HSF5: variants seen among roughly 807,000 people sequenced by gnomAD.
HSF5 encodes the protein heat shock transcription factor 5.
A neutral mutation model predicts 50.8 loss-of-function variants in HSF5; 5 were observed. The ratio of observed to expected loss-of-function variants is 0.10; its 90% confidence interval spans 0.05 to 0.21. The LOEUF (loss-of-function observed/expected upper bound fraction) is 0.21, where lower values mean the gene tolerates loss of function less well. HSF5 is among the 10% of genes least tolerant of loss of function. The pLI is 1.00. For synonymous variants in HSF5, 307 were observed against 307.4 expected (o/e 1.00, Z 0.02); for missense variants, 564 against 762.6 (o/e 0.74, Z 3.07).
intron 5 of HSF5, among the ~76,000 whole-genome samples, chr17:58,441,731 A>G (rs762484588): frequency 1.1e-3 from 168 of 152,206 alleles, no homozygotes; most frequent in Non-Finnish European, 2.2e-3. Context: ...ATAGAAAAAT[A>G]CTCCCAGAAA....
chr17:58,423,565 C>T (rs150642006), intron 5 of HSF5, among the ~76,000 whole-genome samples: 43 of 150,526 alleles, frequency 2.9e-4, no homozygotes, highest in Admixed American at 4.7e-4. Flanking sequence ...TAGCAAACTC[C>T]GCCTCCCGGG....
chr17:58,452,573 G>T (rs1974655618), intron 5 of HSF5, among the ~76,000 whole-genome samples: 1 of 152,156 alleles, frequency 6.6e-6, no homozygotes, highest in Non-Finnish European at 1.5e-5. Flanking sequence ...ACTTTGCGAT[G>T]CTGAGGCAGG....
In HSF5 at chr17:58,488,103, C is replaced by T; in HGVS notation, c.172G>A (p.Gly58Ser). The T allele has an allele frequency of 6.4e-7, 1 of 1,573,356 alleles. No homozygotes were observed. Among genetic ancestry groups the T allele is most frequent in the Non-Finnish European group, 8.6e-7 (1 of 1,167,480 alleles). ...CCGGCCCCCGCAGTCCCGCCACCGC[C>T]CCCCGGCCCGGGCGGGCTGAGCAGC... ...AELLSPPGPG[G>S]GGGTAGAGAE... The change falls in exon 1 of 6, where the codon GGC (glycine) becomes AGC (serine). Residue 58 changes from glycine to serine, a missense_variant. Around this residue, in one of 5 missense-constraint regions of HSF5, gnomAD observed 72 missense variants for 110.9 expected, o/e 0.65. Coordinates refer to ENST00000323777, the MANE Select transcript of HSF5 (RefSeq NM_001080439.3). This position sits in a 1 kb window ranked among gnomAD's most constrained non-coding sequence, Gnocchi z 4.1.
rs1975225655 is a variant in HSF5, at chr17:58,488,312, C to G, written c.-38G>C. ...CCGGGGCCTCGCCCCCCGAGCCTAG[C>G]TCTCCCACACCGTTCTCGATCCCTC... On this transcript the variant is annotated 5_prime_UTR_variant, in exon 1 of 6. Transcript: ENST00000323777. The surrounding 1 kb of genome is among the most constrained non-coding windows in gnomAD (Gnocchi z 4.1). 1 of 1,433,158 alleles carries G rather than the reference C, an allele frequency of 7.0e-7. No individual in the cohort carries two copies. Among genetic ancestry groups the G allele is most frequent in the African/African-American group, 1.5e-5 (1 of 66,782 alleles). The allele number at this position is 1,433,158 out of a possible 1,614,324, so 88.8% of individuals were successfully genotyped here. A position where few individuals can be genotyped will look rare whatever the true frequency, so the allele number is the denominator to read the frequency against.
intron 4 of HSF5, among the ~76,000 whole-genome samples, chr17:58,459,546 C>T (rs1483847033): frequency 6.6e-6 from 1 of 150,548 alleles, no homozygotes. Context: ...ATTCGGGAGG[C>T]TGAGGCAGGA....
chr17:58,484,053 G>C (rs536052618), intron 1 of HSF5, among the ~76,000 whole-genome samples: 1 of 152,240 alleles, frequency 6.6e-6, no homozygotes, highest in South Asian at 2.1e-4. Context: ...GAATAACTTT[G>C]CTAAATTATT....
At chr17:58,470,446 G>A (rs1005633416) in intron 2 of HSF5, among the ~76,000 whole-genome samples, 5 of 152,134 alleles carry the variant, frequency 3.3e-5, no homozygotes, top group African/African-American at 1.2e-4. Context: ...CTCATGTAAG[G>A]TTCCTAGAAA....
In HSF5 at chr17:58,433,911, A is replaced by ATT. The variant is rs59043902; in HGVS notation, c.1721-11483_1721-11482dup. On this transcript the variant is annotated intron_variant, in intron 5 of 5. Coordinates refer to ENST00000323777, the MANE Select transcript of HSF5 (RefSeq NM_001080439.3). ...GAGGTATGAAGGAAAGGTCAAAGGG[A>ATT]TTTTTTTTTTTTTTTTTTTTAGATG... is the stretch of plus-strand genomic sequence containing the variant. Among the ~76,000 whole-genome samples the ATT allele has an allele frequency of 4.6e-5, 5 of 109,340 alleles. 1 individual carries two copies. The South Asian group carries it at 9.1e-4, about 20-fold the overall frequency. 71.7% of individuals were successfully genotyped at this position (109,340 alleles called of 152,430 possible). A position where few individuals can be genotyped will look rare whatever the true frequency, so the allele number is the denominator to read the frequency against.
In HSF5 at chr17:58,422,127, C is replaced by CA; in HGVS notation, c.*232dup. ...TTCATTTAAAAGGGATCTGGGCAGC[C>CA]AAAAAACGTGGCTGCTAGATGTTCA... On this transcript the variant is annotated 3_prime_UTR_variant, in exon 6 of 6. Transcript: ENST00000323777. 1 of 459,620 alleles carries CA rather than the reference C, an allele frequency of 2.2e-6. No homozygotes were observed. Among genetic ancestry groups the CA allele is most frequent in the Admixed American group, 3.9e-5 (1 of 25,900 alleles). The allele number at this position is 459,620 out of a possible 1,614,324, so 28.5% of individuals were successfully genotyped here.
intron 5 of HSF5, among the ~76,000 whole-genome samples, chr17:58,429,820 T>C (rs961501740): frequency 5.5e-5 from 8 of 144,930 alleles, no homozygotes; most frequent in African/African-American, 2.0e-4. Flanking sequence ...CACTCCAGCC[T>C]GGGCAACAAA....
chr17:58,438,281 G>A (rs1974453191), intron 5 of HSF5, among the ~76,000 whole-genome samples: 3 of 152,154 alleles, frequency 2.0e-5, no homozygotes, highest in Non-Finnish European at 2.9e-5. Flanking sequence ...CATGCTGTAA[G>A]GGTTTGTAGC....
intron 1 of HSF5, among the ~76,000 whole-genome samples, chr17:58,485,433 G>A (rs1189492413): frequency 6.6e-6 from 1 of 151,870 alleles, no homozygotes; most frequent in East Asian, 1.9e-4. Flanking sequence ...CCTGGAAGAG[G>A]GGGAAGAGCA....
chr17:58,454,514 G>A (rs1336686066), intron 5 of HSF5, among the ~76,000 whole-genome samples: 5 of 152,118 alleles, frequency 3.3e-5, no homozygotes, highest in African/African-American at 1.2e-4. Context: ...GAAATAAATG[G>A]CATCCAAATT....
intron 5 of HSF5, among the ~76,000 whole-genome samples, chr17:58,434,661 C>A (rs1357532396): frequency 6.6e-6 from 1 of 152,036 alleles, no homozygotes; most frequent in African/African-American, 2.4e-5. Context: ...TCAAGACAAC[C>A]TGGGCAACAT....
At chr17:58,426,944 G>C (rs575221175) in intron 5 of HSF5, among the ~76,000 whole-genome samples, 4 of 151,964 alleles carry the variant, frequency 2.6e-5, no homozygotes, top group African/African-American at 9.7e-5. Context: ...TAATCAATTC[G>C]AAGTCTCTTA....
chr17:58,486,336 G>A (rs1975179735), intron 1 of HSF5, among the ~76,000 whole-genome samples: 1 of 152,196 alleles, frequency 6.6e-6, no homozygotes, highest in Non-Finnish European at 1.5e-5. Flanking sequence ...TTGCACTCCA[G>A]CCTGGGTGAC....
chr17:58,449,593 A>G (rs897769147), intron 5 of HSF5, among the ~76,000 whole-genome samples: 7 of 151,770 alleles, frequency 4.6e-5, no homozygotes, highest in Non-Finnish European at 8.8e-5. Flanking sequence ...CCAGCTACTC[A>G]GGAGGCTGAG....
chr17:58,479,977 C>G lies in HSF5; in HGVS notation c.841G>C (p.Gly281Arg), dbSNP rs1567918918. ...GAGGAGCTGACCATTGTTTGAGGACCTTGTTGAACATGTACAGATGTGGTG... is the reference window on the plus strand; with the variant it reads ...GAGGAGCTGACCATTGTTTGAGGACGTTGTTGAACATGTACAGATGTGGTG... ...PSTTSVHVQQ[G>R]PQTMVSSSQK... The change falls in exon 2 of 6, where the codon GGT becomes CGT. Residue 281 changes from glycine to arginine, a missense_variant. Gly to Arg is a moderately radical substitution (Grantham distance 125, BLOSUM62 -2). Around this residue, in one of 5 missense-constraint regions of HSF5, gnomAD observed 441 missense variants for 533.6 expected, o/e 0.83. Transcript: ENST00000323777. 6.2e-7 allele frequency: 1 copy of G among 1,613,938 alleles called. No homozygotes were observed. The highest frequency in any genetic ancestry group is 1.3e-5 in the African/African-American group (1 of 74,892).
intron 2 of HSF5, among the ~76,000 whole-genome samples, chr17:58,472,010 T>C (rs181110582): frequency 1.3e-5 from 2 of 152,064 alleles, no homozygotes; most frequent in Non-Finnish European, 2.9e-5. Context: ...TGCGCCACCA[T>C]GCCTGGCTAA....
Sources: allele counts gnomAD v4.1 joint callset (sites outside exome capture counted in the v4.1 genomes callset), GRCh38; gene constraint gnomAD v4.1.1; regional missense constraint gnomAD v4.1.1; non-coding constraint Gnocchi (gnomAD v3.1); transcripts MANE v1.5; gene names NCBI Gene and HGNC (gene_info 2026-07-23, HGNC 2026-07-21).